STK3: variants seen among roughly 807,000 people sequenced by gnomAD.
The protein encoded by STK3 is serine/threonine-protein kinase 3.
STK3 carries 41 observed loss-of-function variants against 58.0 expected under a neutral mutation model. The observed-to-expected ratio is 0.71, with a 90% confidence interval of 0.55 to 0.92. The LOEUF is 0.92. Among genes scored for constraint, STK3 ranks in the 40% least tolerant of loss-of-function variants. The pLI, the probability that STK3 is intolerant of heterozygous loss-of-function variation, is 0.00. For missense variants in STK3, 479 were observed against 602.7 expected, an observed-to-expected ratio of 0.79 and a Z score of 2.15; for synonymous variants, 170 against 191.0, an observed-to-expected ratio of 0.89 and a Z score of 0.91.
chr8:98,878,895 C>CTTTTTTTTTTTTT (rs67515050), downstream of STK3: 2 of 108,624 alleles, frequency 1.8e-5, no homozygotes, highest in African/African-American at 3.4e-5. Flanking sequence ...TTTCTTTTTT[C>CTTTTTTTTTTTTT]TTTTTTTTTT....
intron 1 of STK3, among the ~76,000 whole-genome samples, chr8:98,922,463 A>G (rs1839602004): frequency 6.6e-6 from 1 of 152,232 alleles, no homozygotes; most frequent in African/African-American, 2.4e-5. Context: ...CCTGCATTTG[A>G]ATATTTCATA....
At chr8:98,730,354 A>G (rs956468602) in intron 4 of STK3, among the ~76,000 whole-genome samples, 1 of 152,228 alleles carries the variant, frequency 6.6e-6, no homozygotes, top group Admixed American at 6.5e-5. Context: ...TTACAGAAAT[A>G]GATCTCATCC....
At chr8:98,656,236 C>CA (rs1719906587) in intron 6 of STK3, among the ~76,000 whole-genome samples, 1 of 149,768 alleles carries the variant, frequency 6.7e-6, no homozygotes, top group South Asian at 2.1e-4. Context: ...ATCGCAAGGA[C>CA]AAAAAACCAA....
intron 1 of STK3, among the ~76,000 whole-genome samples, chr8:98,909,285 A>G (rs907356209): frequency 2.0e-5 from 3 of 152,240 alleles, no homozygotes; most frequent in African/African-American, 7.2e-5. Context: ...GTTATAAACT[A>G]TCAGGATAGT....
intron 8 of STK3, among the ~76,000 whole-genome samples, chr8:98,573,942 A>T (rs1813176621): frequency 6.6e-6 from 1 of 152,054 alleles, no homozygotes; most frequent in African/African-American, 2.4e-5. Flanking sequence ...AAAGAGGGAA[A>T]AGCCCCTTAT....
chr8:98,878,675 T>G (rs1837661178), intron 3 of STK3, among the ~76,000 whole-genome samples: 1 of 152,174 alleles, frequency 6.6e-6, no homozygotes, highest in African/African-American at 2.4e-5. Flanking sequence ...TCCCCTTTCT[T>G]GTCCAGTGTG....
rs1424738060 is a variant in STK3, at chr8:98,405,579, C to A, written n.484-4066G>T. 2.0e-5 allele frequency among the ~76,000 whole-genome samples: 3 copies of A among 152,074 alleles called. No individual in the cohort carries two copies. The East Asian group carries it at 5.8e-4, about 29-fold the overall frequency. On this transcript the variant is annotated intron_variant and non_coding_transcript_variant, in intron 3 of 3. Transcript: ENST00000517832. ...GGCCTAGAACCTAGACGCCTCAGAG[C>A]CTAATTAGCAGTGGGTCAGGAAATA...
chr8:98,557,915 T>G (rs1811724854), intron 8 of STK3, among the ~76,000 whole-genome samples: 1 of 152,080 alleles, frequency 6.6e-6, no homozygotes, highest in Non-Finnish European at 1.5e-5. Context: ...GCCTAATTGG[T>G]GAAAAGGCAT....
At chr8:98,638,709 T>C (rs1051915408) in intron 6 of STK3, 1 of 152,292 alleles carries the variant, frequency 6.6e-6, no homozygotes. Flanking sequence ...CTGAGACCAC[T>C]AAGAGGCAAA....
At chr8:98,549,846 A>C (rs1811017085) in intron 8 of STK3, among the ~76,000 whole-genome samples, 2 of 152,128 alleles carry the variant, frequency 1.3e-5, no homozygotes, top group South Asian at 4.1e-4. Context: ...TTGCCTCCAC[A>C]AAAAATTTAA....
At position 98,931,331 on chromosome 8, in the gene STK3, A is replaced by G. The variant is rs917134133; in HGVS notation, c.-79+11047T>C. Among the ~76,000 whole-genome samples, 18 of 152,210 alleles carry G rather than the reference A, an allele frequency of 1.2e-4. 1 individual carries two copies. The highest frequency in any genetic ancestry group is 5.2e-4 in the Admixed American group (8 of 15,280). On this transcript the variant is annotated intron_variant, in intron 1 of 1. Coordinates refer to the STK3 transcript ENST00000519420. ...TAGAACAATTGTAGGATAGAGAACAATAAGTCAGAAAACAAAAATGCAAGC... is the reference window on the plus strand; with the variant it reads ...TAGAACAATTGTAGGATAGAGAACAGTAAGTCAGAAAACAAAAATGCAAGC...
intron 3 of STK3, among the ~76,000 whole-genome samples, chr8:98,425,755 A>C (rs1450756428): frequency 6.6e-6 from 1 of 152,214 alleles, no homozygotes; most frequent in African/African-American, 2.4e-5. Context: ...TACACAGAGC[A>C]CCTTTTCAGC....
rs1180407968 is a variant in STK3 at position 98,697,203 on chromosome 8, T to A, written c.684+9264A>T. Reference sequence around the variant, plus strand: ...GTATTTCTGTGGGATTGGTGGTGATTTCACCTTTATCATTTTTTATTGTGT... The same window carrying A: ...GTATTTCTGTGGGATTGGTGGTGATATCACCTTTATCATTTTTTATTGTGT... On this transcript the variant is annotated intron_variant, in intron 6 of 10. Coordinates refer to ENST00000419617, the MANE Select transcript of STK3 (RefSeq NM_006281.4). Among the ~76,000 whole-genome samples the A allele has an allele frequency of 2.6e-5, 4 of 152,188 alleles. No homozygotes were observed. The South Asian group carries it at 6.2e-4, about 24-fold the overall frequency.
At chr8:98,907,113 G>A (rs888564113) in intron 1 of STK3, among the ~76,000 whole-genome samples, 4 of 152,054 alleles carry the variant, frequency 2.6e-5, no homozygotes, top group African/African-American at 9.7e-5. Flanking sequence ...AGCCATGATT[G>A]TGCCACTGCA....
intron 6 of STK3, among the ~76,000 whole-genome samples, chr8:98,631,358 T>TG (rs1322899570): frequency 6.6e-6 from 1 of 152,204 alleles, no homozygotes; most frequent in Non-Finnish European, 1.5e-5. Context: ...GCCATCCCTC[T>TG]GATCTCATCT....
At chr8:98,680,918 T>C (rs926506776) in intron 6 of STK3, among the ~76,000 whole-genome samples, 2 of 151,980 alleles carry the variant, frequency 1.3e-5, no homozygotes, top group Non-Finnish European at 1.5e-5. Flanking sequence ...GAATCCATTA[T>C]GTTTTACATC....
At chr8:98,781,807 A>G (rs905550348) in intron 1 of STK3, among the ~76,000 whole-genome samples, 7 of 152,002 alleles carry the variant, frequency 4.6e-5, no homozygotes, top group Admixed American at 3.9e-4. Context: ...AAAAAAAAAA[A>G]TTATTAAACC....
chr8:98,733,425 G>A (rs1167006546), intron 4 of STK3, among the ~76,000 whole-genome samples: 1 of 152,200 alleles, frequency 6.6e-6, no homozygotes, highest in African/African-American at 2.4e-5. Flanking sequence ...ATTCTCATAG[G>A]AGAATAAACC....
chr8:98,809,547 C>T lies in STK3; in HGVS notation c.26+15968G>A, dbSNP rs1834091848. 2.0e-5 allele frequency among the ~76,000 whole-genome samples: 3 copies of T among 152,188 alleles called. No homozygotes were observed. In the South Asian group the frequency reaches 6.2e-4, roughly 32 times the overall value. The stretch of plus-strand genomic sequence containing the variant: ...TCCCGTGTAACCACTATTCTACTTT[C>T]TGTTTCTATGACTTTGACTATTCTA... On this transcript the variant is annotated intron_variant, in intron 1 of 10. Transcript: ENST00000419617.
Sources: gnomAD v4.1 joint callset for allele counts (sites outside exome capture counted in the v4.1 genomes callset) on GRCh38, gnomAD v4.1.1 for gene constraint, MANE v1.5 for transcripts, NCBI Gene and HGNC (gene_info 2026-07-23, HGNC 2026-07-21) for gene names.